NFXL1: variants seen among roughly 807,000 people sequenced by gnomAD.
NFXL1 encodes NF-X1-type zinc finger protein NFXL1.
In NFXL1, 66 loss-of-function variants were observed where a neutral mutation model predicts 123.3. That is an observed-to-expected ratio of 0.54 (90% CI 0.44 to 0.66). The LOEUF (loss-of-function observed/expected upper bound fraction) is 0.66. Ranked by LOEUF, NFXL1 falls within the 30% of genes least tolerant of loss-of-function variation. The pLI is 0.00. For synonymous variants in NFXL1, 346 were observed against 360.8 expected, an observed-to-expected ratio of 0.96 and a Z score of 0.46; for missense variants, 944 against 1,125.6, an observed-to-expected ratio of 0.84 and a Z score of 2.31.
chr4:47,883,369 TTC>T (rs922721267), intron 15 of NFXL1, among the ~76,000 whole-genome samples: 1 of 152,210 alleles, frequency 6.6e-6, no homozygotes, highest in Non-Finnish European at 1.5e-5. Flanking sequence ...TCTCTTCTGT[TTC>T]TCTCAAGGAA....
chr4:47,884,206 G>A, intron 15 of NFXL1, 140 bp downstream of exon 15: 1 of 521,608 alleles, frequency 1.9e-6, no homozygotes, highest in Non-Finnish European at 3.5e-6. Flanking sequence ...TGAAGGTTAA[G>A]ACAGACACAC....
At chr4:47,853,168 G>C (rs1330153898) in intron 20 of NFXL1, among the ~76,000 whole-genome samples, 1 of 152,010 alleles carries the variant, frequency 6.6e-6, no homozygotes, top group Admixed American at 6.6e-5. Context: ...GATACTTACA[G>C]AGTGCCTATA....
intron 14 of NFXL1, 139 bp from the exon 15 acceptor site, chr4:47,884,576 CTGAAA>C (rs1277204319): frequency 2.4e-5 from 13 of 545,280 alleles, no homozygotes; most frequent in Non-Finnish European, 3.7e-5. Flanking sequence ...ATTGTGCTTA[CTGAAA>C]TATTTCATTT....
At chr4:47,879,309 T>C (rs1410692655) in intron 15 of NFXL1, among the ~76,000 whole-genome samples, 192 bp from the exon 16 acceptor site, 4 of 152,032 alleles carry the variant, frequency 2.6e-5, no homozygotes, top group Non-Finnish European at 4.4e-5. Flanking sequence ...CAATTAGAAT[T>C]TGAAGTTAAA....
At chr4:47,855,336 C>T (rs1213398085) in intron 19 of NFXL1, among the ~76,000 whole-genome samples, 173 bp from the exon 20 acceptor site, 1 of 149,192 alleles carries the variant, frequency 6.7e-6, no homozygotes, top group Admixed American at 6.7e-5. Context: ...TTTAATTACA[C>T]TTATATAATT....
Position 47,903,130 on chromosome 4 carries a change from G to A in NFXL1, c.647+63C>T, listed in dbSNP as rs573274085. 64 of 1,235,716 alleles carry A rather than the reference G, an allele frequency of 5.2e-5. No individual in the cohort carries two copies. In the African/African-American group the frequency reaches 6.9e-4, roughly 13 times the overall value. The allele number at this position is 1,235,716 out of a possible 1,614,324, so 76.5% of individuals were successfully genotyped here. ...AGATCGCCACTGCACTCCAGCCTGC[G>A]TGACAAGAGCAAAACTCCATCTGAA... On this transcript the variant is annotated intron_variant, in intron 5 of 22. Transcript: ENST00000507489.
intron 7 of NFXL1, 50 bp downstream of exon 7, chr4:47,898,909 C>T (rs1244484900): frequency 1.9e-6 from 3 of 1,610,790 alleles, no homozygotes; most frequent in Admixed American, 3.3e-5. Flanking sequence ...ATAAAGATTG[C>T]TTTGACTTTT....
chr4:47,897,541 C>T (rs1737156018), intron 9 of NFXL1, among the ~76,000 whole-genome samples: 1 of 152,114 alleles, frequency 6.6e-6, no homozygotes, highest in South Asian at 2.1e-4. Context: ...TATTGTCAAA[C>T]CCCACCAGAC....
intron 10 of NFXL1, among the ~76,000 whole-genome samples, chr4:47,894,980 T>C (rs1223601449): frequency 1.3e-5 from 2 of 152,216 alleles, no homozygotes; most frequent in South Asian, 2.1e-4. Context: ...CCTTGATCCA[T>C]GGGCTGCAGA....
In NFXL1 at chr4:47,847,986, C is replaced by T. The variant is rs1180727499; in HGVS notation, c.*177G>A. On this transcript the variant is annotated 3_prime_UTR_variant, in exon 23 of 23. Coordinates refer to ENST00000507489, the MANE Select transcript of NFXL1 (RefSeq NM_001278624.2). Reference sequence around the variant, plus strand: ...CACTTTAAAACAGTATTATACTGCCCTTTCTAGTATACTAATTAAGATAAA... The same window carrying T: ...CACTTTAAAACAGTATTATACTGCCTTTTCTAGTATACTAATTAAGATAAA... 1 of 481,552 alleles carries T rather than the reference C, an allele frequency of 2.1e-6. No homozygotes were observed. The highest frequency in any genetic ancestry group is 2.0e-5 in the African/African-American group (1 of 50,746). The allele number at this position is 481,552 out of a possible 1,614,324, so 29.8% of individuals were successfully genotyped here. A position where few individuals can be genotyped will look rare whatever the true frequency, so the allele number is the denominator to read the frequency against.
intron 14 of NFXL1, among the ~76,000 whole-genome samples, chr4:47,885,096 G>C (rs1736345230): frequency 6.7e-6 from 1 of 150,198 alleles, no homozygotes; most frequent in Admixed American, 6.6e-5. Context: ...CTGCACTCCA[G>C]CCTGGGCAAC....
At chr4:47,855,784 G>A (rs966847141) in intron 19 of NFXL1, among the ~76,000 whole-genome samples, 4 of 151,774 alleles carry the variant, frequency 2.6e-5, no homozygotes, top group Admixed American at 1.3e-4. Flanking sequence ...ATATTATTTA[G>A]GTAGCCAAAA....
chr4:47,848,081 T>TATA lies in NFXL1; in HGVS notation c.*79_*81dup. 1.2e-6 allele frequency: 1 copy of TATA among 817,806 alleles called. No individual in the cohort carries two copies. Among genetic ancestry groups the TATA allele is most frequent in the Non-Finnish European group, 1.9e-6 (1 of 525,544 alleles). 50.7% of individuals were successfully genotyped at this position (817,806 alleles called of 1,614,324 possible). A position where few individuals can be genotyped will look rare whatever the true frequency, so the allele number is the denominator to read the frequency against. On this transcript the variant is annotated 3_prime_UTR_variant, in exon 23 of 23. Transcript: ENST00000507489. ...ATGAATGTAAATATATATCATGTTC[T>TATA]ATAATATACATTTTCTAATATTTCA... is the stretch of plus-strand genomic sequence containing the variant.
chr4:47,867,539 T>C (rs1302012960), intron 18 of NFXL1, among the ~76,000 whole-genome samples: 2 of 151,932 alleles, frequency 1.3e-5, no homozygotes, highest in Non-Finnish European at 2.9e-5. Context: ...AAAATAAAAA[T>C]ATTGAACTTA....
chr4:47,896,608 C>G lies in NFXL1; in HGVS notation c.1244G>C (p.Gly415Ala), dbSNP rs1737101528. ...LPCTEDVPTC[G>A]DSCDKVLECG... ...TTCAAGTACTTTGTCACAACTGTCT[C>G]CACAAGTTGGTACATCTTCTGTACA... The change falls in exon 10 of 23, where the codon GGA becomes GCA. Residue 415 changes from glycine to alanine, a missense_variant. Transcript: ENST00000507489. 6.2e-7 allele frequency: 1 copy of G among 1,610,856 alleles called. No homozygotes were observed. Among genetic ancestry groups the G allele is most frequent in the African/African-American group, 1.3e-5 (1 of 74,858 alleles).
At chr4:47,879,250 C>T (rs773694736) in intron 15 of NFXL1, 133 bp from the exon 16 acceptor site, 52 of 420,646 alleles carry the variant, frequency 1.2e-4, no homozygotes, top group Non-Finnish European at 1.8e-4. Context: ...TTACAGGACA[C>T]GAAGTTAATA....
intron 15 of NFXL1, among the ~76,000 whole-genome samples, chr4:47,879,510 A>C (rs1231986467): frequency 3.3e-5 from 5 of 152,186 alleles, no homozygotes; most frequent in African/African-American, 1.2e-4. Flanking sequence ...TTCCAATTTG[A>C]TCCAGATTCA....
At position 47,886,024 on chromosome 4, in the gene NFXL1, A is replaced by G. The variant is rs373854753; in HGVS notation, c.1544-25T>C. 1,244 of 1,608,038 alleles carry G rather than the reference A, an allele frequency of 7.7e-4. 13 individuals carry two copies. In the South Asian group the frequency reaches 0.013, roughly 17 times the overall value. On this transcript the variant is annotated intron_variant, in intron 12 of 22. Coordinates refer to ENST00000507489, the MANE Select transcript of NFXL1 (RefSeq NM_001278624.2). ...CCTGAAAAAAAAGTCTGACAATTAA[A>G]AAGTTTCCTTAACTACCCAAATGCC...
chr4:47,914,287 C>A, intron 1 of NFXL1, 78 bp downstream of exon 1: 2 of 1,144,812 alleles, frequency 1.7e-6, no homozygotes, highest in Non-Finnish European at 2.4e-6. Flanking sequence ...AGTGCGGAAA[C>A]CCGGTGTGAG....
Sources: gnomAD v4.1 joint callset for allele counts (sites outside exome capture counted in the v4.1 genomes callset) on GRCh38, gnomAD v4.1.1 for gene constraint, MANE v1.5 for transcripts, NCBI Gene and HGNC (gene_info 2026-07-23, HGNC 2026-07-21) for gene names.